Variants in GSPT1 observed in about 807,000 individuals in gnomAD.
GSPT1 encodes the protein G1 to S phase transition 1, also known as eukaryotic peptide chain release factor GTP-binding subunit ERF3A.
A neutral mutation model predicts 72.5 loss-of-function variants in GSPT1; 20 were observed. The observed-to-expected ratio is 0.28, with a 90% CI of 0.19 to 0.40. GSPT1 has a LOEUF of 0.40. Ranked by LOEUF, GSPT1 falls within the 10% of genes least tolerant of loss-of-function variation. The pLI is 1.00. For missense variants in GSPT1, 580 were observed against 811.9 expected (o/e 0.71, Z 3.47); for synonymous variants, 334 against 293.5 (o/e 1.14, Z -1.41).
chr16:11,910,452 A>T (rs1293170124), intron 1 of GSPT1, among the ~76,000 whole-genome samples: 2 of 152,182 alleles, frequency 1.3e-5, no homozygotes, highest in African/African-American at 4.8e-5. Context: ...AGCATCTTTC[A>T]TTCAGTGGAC....
chr16:11,901,687 G>A (rs992220929), intron 1 of GSPT1, among the ~76,000 whole-genome samples: 3 of 151,616 alleles, frequency 2.0e-5, no homozygotes, highest in African/African-American at 7.3e-5. Flanking sequence ...AGCTACTCAG[G>A]AAACTGAGGC....
At chr16:11,887,012 A>T in intron 7 of GSPT1, 81 bp from the exon 8 acceptor site, 1 of 987,726 alleles carries the variant, frequency 1.0e-6, no homozygotes, top group Non-Finnish European at 1.5e-6. Context: ...CCTTTCAGTT[A>T]TATCACGAGT....
In GSPT1 at chr16:11,915,524, C is replaced by A; in HGVS notation, c.197G>T (p.Ser66Ile). Residue 66 changes from serine to isoleucine, a missense_variant, in exon 1 of 15, where the codon AGC (serine) becomes ATC (isoleucine). Coordinates refer to ENST00000434724, the MANE Select transcript of GSPT1 (RefSeq NM_002094.4). ...CTTGGCGTTGACGTTGAGTTGCCGG[C>A]TGAAGGCCGCGCTGAGGTTCTCCCG... Reference protein sequence around the residue: ...AQRENLSAAFSRQLNVNAKPF... With the variant: ...AQRENLSAAFIRQLNVNAKPF... 1 of 1,525,258 alleles carries A rather than the reference C, an allele frequency of 6.6e-7. No homozygotes were observed. The highest frequency in any genetic ancestry group is 8.8e-7 in the Non-Finnish European group (1 of 1,137,730). 94.5% of individuals were successfully genotyped at this position (1,525,258 alleles called of 1,614,324 possible).
At chr16:11,895,197 A>AAG in intron 4 of GSPT1, 1 of 427,020 alleles carries the variant, frequency 2.3e-6, no homozygotes, top group Non-Finnish European at 4.4e-6. Context: ...TTGGGAGGCC[A>AAG]GCGAGGGCGG....
chr16:11,880,784 A>AG (rs542909142), intron 11 of GSPT1, among the ~76,000 whole-genome samples: 8 of 151,762 alleles, frequency 5.3e-5, no homozygotes, highest in Non-Finnish European at 7.4e-5. Context: ...GACTTGTAGG[A>AG]GTTCTTCATA....
intron 1 of GSPT1, chr16:11,914,944 T>C: frequency 8.9e-7 from 1 of 1,126,652 alleles, no homozygotes; most frequent in Non-Finnish European, 1.2e-6. Flanking sequence ...AAAGGAAAAC[T>C]CGGCCATTCG....
At chr16:11,906,119 T>A (rs370879116) in intron 1 of GSPT1, among the ~76,000 whole-genome samples, 4 of 152,164 alleles carry the variant, frequency 2.6e-5, no homozygotes, top group African/African-American at 9.6e-5. Flanking sequence ...TCTCACTCTG[T>A]CGCCCAGGCT....
At chr16:11,878,569 G>A (rs2054077115) in intron 11 of GSPT1, among the ~76,000 whole-genome samples, 1 of 147,780 alleles carries the variant, frequency 6.8e-6, no homozygotes, top group African/African-American at 2.5e-5. Flanking sequence ...ACTGTAGCCT[G>A]AGTGACACAG....
chr16:11,886,961 CT>C (rs760137581), intron 7 of GSPT1, 30 bp from the exon 8 acceptor site: 3 of 1,601,280 alleles, frequency 1.9e-6, no homozygotes. Context: ...CAGTTTACTC[CT>C]TCGCCTTCAG....
intron 1 of GSPT1, among the ~76,000 whole-genome samples, chr16:11,899,033 C>T (rs1265280055): frequency 6.6e-6 from 1 of 152,118 alleles, no homozygotes; most frequent in African/African-American, 2.4e-5. Context: ...TCTAAGTCTG[C>T]TTTTTGGATT....
In GSPT1 at chr16:11,900,547, T is replaced by C. The variant is rs554434265; in HGVS notation, c.353-2512A>G. Among the ~76,000 whole-genome samples the C allele has an allele frequency of 2.6e-5, 4 of 152,204 alleles. No homozygotes were observed. In the South Asian group the frequency reaches 8.3e-4, roughly 32 times the overall value. On this transcript the variant is annotated intron_variant, in intron 1 of 14. Transcript: ENST00000434724. ...CTTAGGAAACAGATCCTGTAATCAC[T>C]ACCATCTAACATACAGGCACATCAG...
At chr16:11,909,262 T>A (rs377279857) in intron 1 of GSPT1, among the ~76,000 whole-genome samples, 1 of 152,224 alleles carries the variant, frequency 6.6e-6, no homozygotes, top group Non-Finnish European at 1.5e-5. Context: ...CTGTAACAAC[T>A]AGGTTTCCTT....
At chr16:11,900,780 A>G (rs2054396019) in intron 1 of GSPT1, among the ~76,000 whole-genome samples, 2 of 152,314 alleles carry the variant, frequency 1.3e-5, no homozygotes, top group South Asian at 4.1e-4. Flanking sequence ...TTTTCAAAAC[A>G]AAACAGTACT....
intron 14 of GSPT1, among the ~76,000 whole-genome samples, chr16:11,874,104 C>A (rs1349861962): frequency 6.6e-6 from 1 of 151,866 alleles, no homozygotes; most frequent in East Asian, 1.9e-4. Context: ...AAAATGGTTG[C>A]CTGGGGTGGA....
rs57546698 is a variant in GSPT1 at position 11,892,829 on chromosome 16, CAAAAAA to C, written c.699-1696_699-1691del. On this transcript the variant is annotated intron_variant, in intron 5 of 14. Transcript: ENST00000434724. Reference sequence around the variant, plus strand: ...AGCCTGGGCGATAGAGATTCTGTCTCAAAAAAAAAAAAAAAAAAAAAAAAAAGAAAA... The same window carrying C: ...AGCCTGGGCGATAGAGATTCTGTCTCAAAAAAAAAAAAAAAAAAAAGAAAA... 5.9e-3 allele frequency among the ~76,000 whole-genome samples: 183 copies of C among 31,224 alleles called. 1 individual carries two copies. Among genetic ancestry groups the C allele is most frequent in the East Asian group, 0.053 (36 of 682 alleles). 20.5% of individuals were successfully genotyped at this position (31,224 alleles called of 152,430 possible). A position where few individuals can be genotyped will look rare whatever the true frequency, so the allele number is the denominator to read the frequency against.
At chr16:11,876,828 G>A (rs1040931497) in intron 12 of GSPT1, among the ~76,000 whole-genome samples, 2 of 152,144 alleles carry the variant, frequency 1.3e-5, no homozygotes, top group South Asian at 2.1e-4. Flanking sequence ...AATTTTTACC[G>A]CTCAGAAGCT....
At chr16:11,882,967 A>T in intron 11 of GSPT1, 48 bp downstream of exon 11, 1 of 1,248,952 alleles carries the variant, frequency 8.0e-7, no homozygotes, top group Non-Finnish European at 1.2e-6. Flanking sequence ...TTAAAGAAAA[A>T]GAAAAAAAAT....
intron 5 of GSPT1, among the ~76,000 whole-genome samples, chr16:11,894,302 A>C (rs987073416): frequency 1.3e-5 from 2 of 151,676 alleles, no homozygotes; most frequent in African/African-American, 4.8e-5. Flanking sequence ...CTTTTTAGTT[A>C]TCAAGATTTG....
At chr16:11,878,673 C>G (rs2054078748) in intron 11 of GSPT1, among the ~76,000 whole-genome samples, 1 of 151,838 alleles carries the variant, frequency 6.6e-6, no homozygotes, top group Admixed American at 6.6e-5. Context: ...AGTATTGCTC[C>G]TCAGTACTGC....
Sources: allele counts gnomAD v4.1 joint callset (sites outside exome capture counted in the v4.1 genomes callset), GRCh38; gene constraint gnomAD v4.1.1; transcripts MANE v1.5; gene names NCBI Gene and HGNC (gene_info 2026-07-23, HGNC 2026-07-21).